The following ATP13A4 variants were observed in gnomAD, a reference collection of about 807,000 sequenced individuals.
ATP13A4 encodes the protein ATPase 13A4.
In ATP13A4, 114 loss-of-function variants were observed where a neutral mutation model predicts 142.5. The observed-to-expected ratio is 0.80, with a 90% CI of 0.69 to 0.93. ATP13A4 has a LOEUF of 0.93. Among genes scored for constraint, ATP13A4 ranks in the 40% least tolerant of loss-of-function variants. The probability of loss-of-function intolerance (pLI) is 0.00; values close to 1 mark genes in which losing one functional copy is unlikely to be tolerated. For missense variants in ATP13A4, 1,392 were observed against 1,454.0 expected, an observed-to-expected ratio of 0.96 and a Z score of 0.69; for synonymous variants, 488 against 514.8, an observed-to-expected ratio of 0.95 and a Z score of 0.70.
intron 18 of ATP13A4, among the ~76,000 whole-genome samples, chr3:193,445,326 C>T (rs947230005): frequency 3.9e-5 from 6 of 151,914 alleles, no homozygotes; most frequent in Non-Finnish European, 5.9e-5. Context: ...ATCCCAGCTA[C>T]TTGGGAGGCT....
At chr3:193,429,261 G>C (rs1715841862) in intron 25 of ATP13A4, among the ~76,000 whole-genome samples, 1 of 151,998 alleles carries the variant, frequency 6.6e-6, no homozygotes, top group African/African-American at 2.4e-5. Flanking sequence ...TCCTTGAAAA[G>C]TTAAATATAT....
At chr3:193,438,725 A>T in intron 22 of ATP13A4, 141 bp from the exon 23 acceptor site, 2 of 776,108 alleles carry the variant, frequency 2.6e-6, no homozygotes, top group South Asian at 3.0e-5. Context: ...CCTGCCTGGA[A>T]CATGAGAAAA....
intron 25 of ATP13A4, among the ~76,000 whole-genome samples, chr3:193,432,438 A>G (rs1716032833): frequency 6.6e-6 from 1 of 152,116 alleles, no homozygotes; most frequent in Non-Finnish European, 1.5e-5. Context: ...AAATCTGCAC[A>G]CGGATGTTTA....
chr3:193,422,318 A>G (rs1715446747), intron 25 of ATP13A4, among the ~76,000 whole-genome samples: 1 of 149,936 alleles, frequency 6.7e-6, no homozygotes, highest in South Asian at 2.1e-4. Context: ...GAGACAGATC[A>G]ACTAGACATA....
At chr3:193,579,331 A>C (rs951429379) in intron 2 of ATP13A4, 2 of 208,640 alleles carry the variant, frequency 9.6e-6, no homozygotes, top group African/African-American at 4.7e-5. Flanking sequence ...ACGTGTGTAG[A>C]TTGGATGGCC....
intron 8 of ATP13A4, 131 bp from the exon 9 acceptor site, chr3:193,471,124 A>G (rs1230899304): frequency 1.7e-6 from 2 of 1,205,308 alleles, no homozygotes; most frequent in African/African-American, 1.5e-5. Context: ...AACATTCCTC[A>G]ACATTGATTC....
chr3:193,496,487 A>C (rs1465947119), intron 3 of ATP13A4, among the ~76,000 whole-genome samples: 1 of 152,192 alleles, frequency 6.6e-6, no homozygotes, highest in Non-Finnish European at 1.5e-5. Flanking sequence ...TAGTCTCCTT[A>C]ATAAACAATG....
chr3:193,521,070 C>T (rs1286809247), intron 1 of ATP13A4, among the ~76,000 whole-genome samples: 1 of 152,212 alleles, frequency 6.6e-6, no homozygotes, highest in Non-Finnish European at 1.5e-5. Context: ...TGCTTCTGTG[C>T]TGCACCTCCA....
At chr3:193,414,319 G>A (rs1169494597) in intron 26 of ATP13A4, among the ~76,000 whole-genome samples, 1 of 152,038 alleles carries the variant, frequency 6.6e-6, no homozygotes, top group Non-Finnish European at 1.5e-5. Flanking sequence ...TATAATCCAT[G>A]GTCACCCTAG....
At chr3:193,466,600 C>T (rs1718302425) in intron 10 of ATP13A4, among the ~76,000 whole-genome samples, 1 of 152,184 alleles carries the variant, frequency 6.6e-6, no homozygotes, top group African/African-American at 2.4e-5. Context: ...GTTTCTAGCC[C>T]ACCCTGGAAA....
chr3:193,591,276 G>C (rs1305125994), intron 1 of ATP13A4, among the ~76,000 whole-genome samples: 2 of 152,140 alleles, frequency 1.3e-5, no homozygotes, highest in African/African-American at 4.8e-5. Context: ...CTCGTGATCT[G>C]CCTTCCTCGG....
chr3:193,511,072 A>T (rs1374034666), intron 2 of ATP13A4, among the ~76,000 whole-genome samples: 1 of 152,220 alleles, frequency 6.6e-6, no homozygotes, highest in Non-Finnish European at 1.5e-5. Flanking sequence ...TTACCTAAAG[A>T]CTAATTCAGA....
intron 3 of ATP13A4, among the ~76,000 whole-genome samples, chr3:193,496,467 G>GTT (rs1461068075): frequency 6.6e-6 from 1 of 152,140 alleles, no homozygotes; most frequent in Non-Finnish European, 1.5e-5. Context: ...AACACACAAT[G>GTT]GATAAAGGAT....
At chr3:193,526,621 A>C (rs1560257719) in intron 1 of ATP13A4, among the ~76,000 whole-genome samples, 1 of 152,226 alleles carries the variant, frequency 6.6e-6, no homozygotes, top group Non-Finnish European at 1.5e-5. Context: ...AAAGTAAAAT[A>C]ACAAAGAATT....
Position 193,486,303 on chromosome 3 carries a change from T to C in ATP13A4, c.739-2298A>G, listed in dbSNP as rs144400314. Among the ~76,000 whole-genome samples the C allele has an allele frequency of 6.3e-3, 959 of 152,300 alleles. 3 individuals carry two copies. The highest frequency in any genetic ancestry group is 8.8e-3 in the Non-Finnish European group (597 of 68,036). On this transcript the variant is annotated intron_variant, in intron 7 of 29. Transcript: ENST00000342695. ...AGACCAATGGGAATATTTTGAAGCA[T>C]TTTAGTGATAAAAGCATGTAAATAA...
rs553945360 is a variant in ATP13A4, at chr3:193,448,007, CTGAT to C, written c.2152+195_2152+198del. ...ACCTCAAAACGCTGATACTATTTGA[CTGAT>C]TGGTTGATCTTCTCTCATTCCACTC... On this transcript the variant is annotated intron_variant, in intron 18 of 29. Coordinates refer to ENST00000342695, the MANE Select transcript of ATP13A4 (RefSeq NM_032279.4). Among the ~76,000 whole-genome samples, 26 of 152,336 alleles carry C rather than the reference CTGAT, an allele frequency of 1.7e-4. No homozygotes were observed. In the East Asian group the frequency reaches 4.4e-3, roughly 26 times the overall value.
chr3:193,508,303 G>A (rs1029539199), intron 2 of ATP13A4, among the ~76,000 whole-genome samples: 3 of 152,182 alleles, frequency 2.0e-5, no homozygotes, highest in African/African-American at 7.2e-5. Flanking sequence ...GTCAAGAGCA[G>A]TGCTGGGAAT....
intron 29 of ATP13A4, among the ~76,000 whole-genome samples, chr3:193,406,137 A>G (rs780097239): frequency 2.6e-5 from 4 of 152,194 alleles, no homozygotes; most frequent in Non-Finnish European, 5.9e-5. Context: ...CACTGCGGGT[A>G]GGGCTGGGCA....
intron 27 of ATP13A4, among the ~76,000 whole-genome samples, chr3:193,411,517 T>C (rs184857565): frequency 3.4e-4 from 52 of 152,300 alleles, no homozygotes; most frequent in Non-Finnish European, 7.4e-5. Context: ...AAAAGCTAAA[T>C]AATTTTCTCT....
Sources: allele counts gnomAD v4.1 joint callset (sites outside exome capture counted in the v4.1 genomes callset), GRCh38; gene constraint gnomAD v4.1.1; transcripts MANE v1.5; gene names NCBI Gene and HGNC (gene_info 2026-07-23, HGNC 2026-07-21).